Variants in HEXB observed in about 807,000 individuals in gnomAD.
HEXB encodes hexosaminidase subunit beta.
HEXB carries 51 observed loss-of-function variants against 71.2 expected under a neutral mutation model. That is an observed-to-expected ratio of 0.72 (90% CI 0.57 to 0.90). The LOEUF (loss-of-function observed/expected upper bound fraction) is 0.90, where lower values mean the gene tolerates loss of function less well. HEXB is among the 40% of genes least tolerant of loss of function. The pLI, the probability that HEXB is intolerant of heterozygous loss-of-function variation, is 0.00. For missense variants in HEXB, 617 were observed against 677.0 expected, an observed-to-expected ratio of 0.91 and a Z score of 0.98; for synonymous variants, 266 against 249.3, an observed-to-expected ratio of 1.07 and a Z score of -0.63.
intron 6 of HEXB, among the ~76,000 whole-genome samples, chr5:74,711,468 G>C (rs62366368): frequency 1.1e-4 from 17 of 151,986 alleles, no homozygotes; most frequent in African/African-American, 3.9e-4. Flanking sequence ...TTCTGCACAG[G>C]AAAAGAAACT....
chr5:74,679,022 T>G (rs59514206), intron 1 of HEXB, among the ~76,000 whole-genome samples: 26,309 of 152,254 alleles, frequency 0.17, 2,385 homozygotes, highest in East Asian at 0.27. Context: ...ACTCATACAC[T>G]GTTGCCGTTT....
intron 1 of HEXB, among the ~76,000 whole-genome samples, chr5:74,653,402 T>C (rs1443684302): frequency 1.3e-5 from 2 of 152,174 alleles, no homozygotes; most frequent in Non-Finnish European, 2.9e-5. Context: ...CTGGCCAAGA[T>C]GAAGTAGCAG....
At chr5:74,680,269 C>A (rs1748714774), upstream of HEXB, among the ~76,000 whole-genome samples, 1 of 152,220 alleles carries the variant, frequency 6.6e-6, no homozygotes, top group Non-Finnish European at 1.5e-5. Context: ...ATTTGCCTGG[C>A]TGGATTTTGG....
chr5:74,687,338 G>T (rs532986431), intron 1 of HEXB, among the ~76,000 whole-genome samples: 1 of 152,298 alleles, frequency 6.6e-6, no homozygotes, highest in South Asian at 2.1e-4. Context: ...GCCCCAGATT[G>T]TTCAGCATCA....
chr5:74,665,469 G>A (rs1004378663), intron 1 of HEXB, among the ~76,000 whole-genome samples: 46 of 152,128 alleles, frequency 3.0e-4, no homozygotes, highest in Non-Finnish European at 5.9e-4. Flanking sequence ...TAGCAGCCCC[G>A]TGGACAGTGT....
At chr5:74,696,336 T>A (rs1177088155) in intron 3 of HEXB, among the ~76,000 whole-genome samples, 1 of 152,216 alleles carries the variant, frequency 6.6e-6, no homozygotes, top group Non-Finnish European at 1.5e-5. Flanking sequence ...GTGACTATAT[T>A]TGATTATAAA....
chr5:74,661,555 GTGTGTGTGTCTCTC>G (rs1322835546), intron 1 of HEXB, among the ~76,000 whole-genome samples: 4 of 69,776 alleles, frequency 5.7e-5, no homozygotes, highest in African/African-American at 3.2e-4. Flanking sequence ...GTGTGTGTGT[GTGTGTGTGTCTCTC>G]TCTCTCTCTC....
intron 3 of HEXB, 63 bp from the exon 4 acceptor site, chr5:74,696,630 A>G (rs991021889): frequency 3.4e-6 from 3 of 885,958 alleles, no homozygotes; most frequent in Middle Eastern, 2.6e-4. Flanking sequence ...TTTGAATAAT[A>G]TAACTTTTAT....
intron 1 of HEXB, among the ~76,000 whole-genome samples, chr5:74,659,821 T>C (rs1748286867): frequency 6.6e-6 from 1 of 152,222 alleles, no homozygotes; most frequent in Non-Finnish European, 1.5e-5. Flanking sequence ...TGAGAATAAA[T>C]GAAATTTAAA....
intron 1 of HEXB, among the ~76,000 whole-genome samples, chr5:74,664,487 G>A (rs1580366324): frequency 1.4e-5 from 2 of 144,116 alleles, no homozygotes; most frequent in East Asian, 4.1e-4. Context: ...AGATGGCGCT[G>A]TTAACCATTT....
chr5:74,692,918 C>T (rs1749035200), intron 2 of HEXB, among the ~76,000 whole-genome samples: 1 of 152,244 alleles, frequency 6.6e-6, no homozygotes, highest in Non-Finnish European at 1.5e-5. Flanking sequence ...TTAGAGTGTG[C>T]TTCAAAGATT....
chr5:74,675,668 A>T (rs1479076479), intron 1 of HEXB, among the ~76,000 whole-genome samples: 1 of 152,172 alleles, frequency 6.6e-6, no homozygotes, highest in Non-Finnish European at 1.5e-5. Flanking sequence ...GGCCATATTA[A>T]GGATCCTATA....
At chr5:74,653,149 T>C (rs141842159) in intron 1 of HEXB, among the ~76,000 whole-genome samples, 15 of 152,338 alleles carry the variant, frequency 9.8e-5, no homozygotes, top group Non-Finnish European at 2.1e-4. Flanking sequence ...GCAGAGTCAT[T>C]GTGAATACGC....
chr5:74,652,154 A>T lies in HEXB; in HGVS notation c.-377+11596A>T, dbSNP rs6896412. On this transcript the variant is annotated intron_variant, in intron 1 of 13. Coordinates refer to the HEXB transcript ENST00000511181. This position sits in a 1 kb window ranked among gnomAD's most constrained non-coding sequence, Gnocchi z 5.4. ...GTAGGTAATACATATGCATGGATCA[A>T]CCATAAATAATAATTAATGTCCATT... 0.49 allele frequency among the ~76,000 whole-genome samples: 74,123 copies of T among 152,064 alleles called. 18,072 individuals are homozygous for T. Among genetic ancestry groups the T allele is most frequent in the Non-Finnish European group, 0.52 (35,154 of 67,948 alleles).
intron 6 of HEXB, among the ~76,000 whole-genome samples, chr5:74,707,078 T>C (rs370985180): frequency 0.045 from 3,326 of 74,560 alleles, no homozygotes; most frequent in Admixed American, 0.055. Context: ...CAGCCGGGTA[T>C]TCCTCTGAGA....
intron 6 of HEXB, among the ~76,000 whole-genome samples, 169 bp from the exon 7 acceptor site, chr5:74,713,337 T>G (rs1749594751): frequency 6.6e-6 from 1 of 152,206 alleles, no homozygotes; most frequent in African/African-American, 2.4e-5. Context: ...CTCCTGAAAC[T>G]ATGGCACTAT....
chr5:74,721,090 A>AAAAT (rs1561229798), intron 13 of HEXB, 28 bp from the exon 14 acceptor site: 3 of 1,547,168 alleles, frequency 1.9e-6, no homozygotes, highest in Non-Finnish European at 2.7e-6. Flanking sequence ...AAATCAATCT[A>AAAAT]AAATATCTTT....
Position 74,652,236 on chromosome 5 carries a change from T to C in HEXB, c.-377+11678T>C, listed in dbSNP as rs537819334. 2.0e-5 allele frequency among the ~76,000 whole-genome samples: 3 copies of C among 152,354 alleles called. No individual in the cohort carries two copies. Among genetic ancestry groups the C allele is most frequent in the Admixed American group, 2.0e-4 (3 of 15,310 alleles). On this transcript the variant is annotated intron_variant, in intron 1 of 13. Coordinates refer to the HEXB transcript ENST00000511181. This position sits in a 1 kb window ranked among gnomAD's most constrained non-coding sequence, Gnocchi z 5.4. ...CCAGGAGGTAGATACTATCATTATCTCCATTTTGCTCATGAGGAAACAGGG... is the reference window on the plus strand; with the variant it reads ...CCAGGAGGTAGATACTATCATTATCCCCATTTTGCTCATGAGGAAACAGGG...
At chr5:74,642,258 CAATAT>C (rs1479220139) in intron 1 of HEXB, among the ~76,000 whole-genome samples, 8 of 152,112 alleles carry the variant, frequency 5.3e-5, no homozygotes, top group Non-Finnish European at 1.0e-4. Flanking sequence ...ACGAACCTTT[CAATAT>C]ATATATTTTT....
Sources: allele counts gnomAD v4.1 joint callset (sites outside exome capture counted in the v4.1 genomes callset), GRCh38; gene constraint gnomAD v4.1.1; non-coding constraint Gnocchi (gnomAD v3.1); transcripts MANE v1.5; gene names NCBI Gene and HGNC (gene_info 2026-07-23, HGNC 2026-07-21).